The following AFAP1L2 variants were observed in gnomAD, a reference collection of about 807,000 sequenced individuals.
AFAP1L2 encodes the protein actin filament associated protein 1 like 2, also known as actin filament-associated protein 1-like 2.
In AFAP1L2, 46 loss-of-function variants were observed where a neutral mutation model predicts 99.3. That is an observed-to-expected ratio of 0.46 (90% CI 0.37 to 0.59). AFAP1L2 has a LOEUF of 0.59. AFAP1L2 is among the 20% of genes least tolerant of loss of function. The pLI, the probability that AFAP1L2 is intolerant of heterozygous loss-of-function variation, is 0.00. For missense variants in AFAP1L2, 959 were observed against 1,034.9 expected (o/e 0.93, Z 1.01); for synonymous variants, 397 against 419.1 (o/e 0.95, Z 0.64).
the AFAP1L2 span, among the ~76,000 whole-genome samples, chr10:114,282,834 G>A: frequency 1.7e-4 from 26 of 152,258 alleles, no homozygotes; most frequent in African/African-American, 4.8e-4. Flanking sequence ...GGCAGGCACC[G>A]AGCACCAGCT....
chr10:114,371,166 G>C (rs895313507), intron 1 of AFAP1L2, among the ~76,000 whole-genome samples: 1 of 152,192 alleles, frequency 6.6e-6, no homozygotes, highest in Non-Finnish European at 1.5e-5. Flanking sequence ...TGCTCCTTCT[G>C]TCTCATCTCT....
Position 114,357,437 on chromosome 10 carries a change from A to G in AFAP1L2, c.17-16706T>C, listed in dbSNP as rs146430344. ...TGAAGCCAGGCTTTAACAAGGCCCC[A>G]AGGTGTGGTCAGCATTTCAGCCCCT... On this transcript the variant is annotated intron_variant, in intron 1 of 18. Coordinates refer to ENST00000304129, the MANE Select transcript of AFAP1L2 (RefSeq NM_001001936.3). Among the ~76,000 whole-genome samples the G allele has an allele frequency of 9.7e-3, 1,477 of 152,228 alleles. 6 individuals are homozygous for G. Among genetic ancestry groups the G allele is most frequent in the Non-Finnish European group, 0.016 (1,094 of 67,998 alleles).
chr10:114,324,566 T>C (rs898912182), intron 4 of AFAP1L2, among the ~76,000 whole-genome samples: 2 of 152,260 alleles, frequency 1.3e-5, no homozygotes, highest in African/African-American at 4.8e-5. Flanking sequence ...TTCTGAATCA[T>C]GAAACTCCAT....
intron 10 of AFAP1L2, among the ~76,000 whole-genome samples, chr10:114,305,308 G>A (rs1412856957): frequency 6.9e-6 from 1 of 145,138 alleles, no homozygotes; most frequent in Non-Finnish European, 1.5e-5. Flanking sequence ...CGCAGGAGGG[G>A]ACGGAGCTGC....
chr10:114,382,588 CTTT>C (rs1554956154), intron 1 of AFAP1L2, among the ~76,000 whole-genome samples: 2 of 93,294 alleles, frequency 2.1e-5, no homozygotes, highest in Non-Finnish European at 4.3e-5. Context: ...TATTTCTTCT[CTTT>C]TTTTTTTTTT....
chr10:114,320,890 G>A (rs1243079695), intron 5 of AFAP1L2, among the ~76,000 whole-genome samples: 2 of 152,120 alleles, frequency 1.3e-5, no homozygotes, highest in South Asian at 2.1e-4. Flanking sequence ...CCGCACCCTC[G>A]CCTTTGGTCT....
intron 1 of AFAP1L2, among the ~76,000 whole-genome samples, chr10:114,374,311 G>A (rs901056066): frequency 2.6e-5 from 4 of 152,190 alleles, no homozygotes; most frequent in African/African-American, 9.7e-5. Flanking sequence ...GGGAAAAAGT[G>A]TTTCTGGAAA....
chr10:114,291,134 A>G (rs1361588239), downstream of AFAP1L2: 1 of 1,491,738 alleles, frequency 6.7e-7, no homozygotes, highest in Non-Finnish European at 9.1e-7. Flanking sequence ...TAAGAGCAGG[A>G]CCTGAAGGGG....
At chr10:114,341,511 G>A (rs2048821948) in intron 1 of AFAP1L2, among the ~76,000 whole-genome samples, 1 of 151,956 alleles carries the variant, frequency 6.6e-6, no homozygotes, top group South Asian at 2.1e-4. Flanking sequence ...TACTTGGGAG[G>A]CTGAGGCAGG....
In AFAP1L2 at chr10:114,313,015, A is replaced by G. The variant is rs1186813524; in HGVS notation, c.792+856T>C. ...ACAGCGGTCCAGATCTGTTTCTGAC[A>G]GGCTCGCCAAGGTGGTTATGTTTAG... On this transcript the variant is annotated intron_variant, in intron 7 of 18. Coordinates refer to ENST00000304129, the MANE Select transcript of AFAP1L2 (RefSeq NM_001001936.3). 2.0e-5 allele frequency among the ~76,000 whole-genome samples: 3 copies of G among 151,536 alleles called. No individual in the cohort carries two copies. In the East Asian group the frequency reaches 5.8e-4, roughly 29 times the overall value.
At chr10:114,380,401 C>T (rs1004751681) in intron 1 of AFAP1L2, among the ~76,000 whole-genome samples, 12 of 152,184 alleles carry the variant, frequency 7.9e-5, no homozygotes, top group African/African-American at 2.9e-4. Flanking sequence ...CTCTACCTTT[C>T]CTCATAGACT....
the AFAP1L2 span, chr10:114,289,629 C>A: frequency 2.2e-6 from 2 of 917,688 alleles, no homozygotes; most frequent in South Asian, 1.6e-5. Context: ...CTGTGCTAAA[C>A]CCCATGCTCA....
chr10:114,283,385 G>A, the AFAP1L2 span, among the ~76,000 whole-genome samples: 2 of 152,090 alleles, frequency 1.3e-5, no homozygotes, highest in Non-Finnish European at 2.9e-5. Context: ...AGGGTAGCGA[G>A]CAGTTAGACA....
intron 1 of AFAP1L2, among the ~76,000 whole-genome samples, chr10:114,382,379 C>G (rs2055760167): frequency 6.6e-6 from 1 of 152,048 alleles, no homozygotes; most frequent in Admixed American, 6.6e-5. Context: ...AAGGTCCACC[C>G]TCACTTACAT....
At chr10:114,345,500 A>G (rs188550096) in intron 1 of AFAP1L2, among the ~76,000 whole-genome samples, 5 of 152,312 alleles carry the variant, frequency 3.3e-5, no homozygotes, top group African/African-American at 1.2e-4. Context: ...TGAGCTAATC[A>G]TGGCAGCTGG....
chr10:114,300,392 G>A (rs1188534341), intron 14 of AFAP1L2, 30 bp from the exon 15 acceptor site: 1 of 1,613,242 alleles, frequency 6.2e-7, no homozygotes, highest in Admixed American at 1.7e-5. Context: ...TGACTCAGCT[G>A]GCTGAAGGGG....
intron 1 of AFAP1L2, among the ~76,000 whole-genome samples, chr10:114,397,813 T>G (rs2138306299): frequency 6.6e-6 from 1 of 152,276 alleles, no homozygotes; most frequent in South Asian, 2.1e-4. Context: ...ATTTGCAGTG[T>G]GCTGGGGCTG....
At chr10:114,352,479 TAAA>T (rs766929781) in intron 1 of AFAP1L2, among the ~76,000 whole-genome samples, 7 of 71,372 alleles carry the variant, frequency 9.8e-5, no homozygotes, top group Admixed American at 4.6e-4. Flanking sequence ...GTCTCCAAAT[TAAA>T]AAAAAAAAAA....
In AFAP1L2 at chr10:114,327,001, A is replaced by G. The variant is rs180690950; in HGVS notation, c.316-3740T>C. ...CCAGCTCTCAAGAATGCTGGGTTAA[A>G]TGATGAGTCACATGATTAAACAGAC... On this transcript the variant is annotated intron_variant, in intron 4 of 18. Transcript: ENST00000304129. Among the ~76,000 whole-genome samples the G allele has an allele frequency of 1.2e-3, 176 of 151,064 alleles. 1 individual carries two copies. The highest frequency in any genetic ancestry group is 3.5e-3 in the African/African-American group (145 of 41,424).
Sources: gnomAD v4.1 joint callset for allele counts (sites outside exome capture counted in the v4.1 genomes callset) on GRCh38, gnomAD v4.1.1 for gene constraint, MANE v1.5 for transcripts, NCBI Gene and HGNC (gene_info 2026-07-23, HGNC 2026-07-21) for gene names.